The following IARS1 variants were observed in gnomAD, a reference collection of about 807,000 sequenced individuals.
IARS1 encodes the protein isoleucine--tRNA ligase, cytoplasmic.
Under a neutral mutation model 168.2 loss-of-function variants are expected in IARS1, and 124 were observed. That is an observed-to-expected ratio of 0.74 (90% confidence interval 0.64 to 0.86). The LOEUF is 0.86. Ranked by LOEUF, IARS1 falls within the 40% of genes least tolerant of loss-of-function variation. The pLI, the probability that IARS1 is intolerant of heterozygous loss-of-function variation, is 0.00. For synonymous variants in IARS1, 532 were observed against 529.4 expected (o/e 1.00, Z -0.07); for missense variants, 1,452 against 1,515.8 (o/e 0.96, Z 0.70).
At chr9:92,244,877 T>G in intron 27 of IARS1, 82 bp downstream of exon 27, 1 of 1,096,806 alleles carries the variant, frequency 9.1e-7, no homozygotes, top group Admixed American at 1.9e-5. Flanking sequence ...GTCAACATTA[T>G]CAGGAAAGGC....
chr9:92,238,851 A>G (rs971510791), intron 30 of IARS1, among the ~76,000 whole-genome samples: 1 of 152,158 alleles, frequency 6.6e-6, no homozygotes, highest in African/African-American at 2.4e-5. Context: ...TGTCTTAACT[A>G]TTATTTCTTG....
At chr9:92,263,111 A>G (rs1350260649) in intron 16 of IARS1, 56 bp from the exon 17 acceptor site, 1 of 1,164,858 alleles carries the variant, frequency 8.6e-7, no homozygotes, top group East Asian at 2.4e-5. Context: ...CAAGCATAAG[A>G]AAGAAACTGT....
At chr9:92,221,690 G>GT (rs1466441882) in intron 33 of IARS1, among the ~76,000 whole-genome samples, 8 of 152,206 alleles carry the variant, frequency 5.3e-5, no homozygotes, top group African/African-American at 1.7e-4. Context: ...ACACCAGCAA[G>GT]TAAGTGCAGG....
rs1184030038 is a variant in IARS1, at chr9:92,247,458, G to A, written c.2710C>T (p.Arg904Cys). Residue 904 changes from arginine (R) to cysteine (C), a missense_variant, in exon 26 of 34, where the codon CGT becomes TGT. By Grantham distance (180) the Arg-to-Cys change is radical. Coordinates refer to ENST00000443024, the MANE Select transcript of IARS1 (RefSeq NM_002161.6). Reference protein sequence around the residue: ...AEPDHMVLGKRLKGAFKAVMT... With the variant: ...AEPDHMVLGKCLKGAFKAVMT... ...ACTGCCTTAAAGGCTCCCTTCAGAC[G>A]CTTCCCCAGGACCATGTGATCTGGT... 2.5e-6 allele frequency: 4 copies of A among 1,614,008 alleles called. No individual in the cohort carries two copies. The highest frequency in any genetic ancestry group is 3.4e-6 in the Non-Finnish European group (4 of 1,180,030).
chr9:92,240,579 A>G, intron 30 of IARS1: 1 of 626,354 alleles, frequency 1.6e-6, no homozygotes, highest in Non-Finnish European at 2.9e-6. Context: ...TTTTTAATTG[A>G]GGCAGGATCT....
intron 33 of IARS1, among the ~76,000 whole-genome samples, chr9:92,222,075 T>C (rs1329419284): frequency 6.6e-6 from 1 of 152,158 alleles, no homozygotes; most frequent in Non-Finnish European, 1.5e-5. Context: ...CCCAGCACTT[T>C]GGGAGGCCGA....
In IARS1 at chr9:92,274,525, G is replaced by A. The variant is rs753470606; in HGVS notation, c.895-4C>T. ...TGAAAGCGCCATTCTCTTTACACTG[G>A]AAAGAAAGGACAGCAGGCTTCAGGG... On this transcript the variant is annotated splice_polypyrimidine_tract_variant and splice_region_variant and intron_variant, in intron 9 of 33. Coordinates refer to ENST00000443024, the MANE Select transcript of IARS1 (RefSeq NM_002161.6). 1.2e-6 allele frequency: 2 copies of A among 1,601,332 alleles called. No homozygotes were observed. The highest frequency in any genetic ancestry group is 2.2e-5 in the South Asian group (2 of 90,818).
rs1157345497 is a variant in IARS1, at chr9:92,229,110, C to T, written c.3300G>A (p.Leu1100=). 4.3e-6 allele frequency: 7 copies of T among 1,613,596 alleles called. No homozygotes were observed. In the African/African-American group the frequency reaches 9.4e-5, roughly 22 times the overall value. Residue 1100 remains leucine, a synonymous_variant, in exon 31 of 34, where the codon CTG becomes CTA. Coordinates refer to ENST00000443024, the MANE Select transcript of IARS1 (RefSeq NM_002161.6). ...ACCTATTGTCACCTTTTGGATTTTC[C>T]AGGAGCAATACTCCACCTAAAAAGC... ...NGSEQGGVLL[L]ENPKGDNRLD... is the part of the protein sequence containing the mutation.
chr9:92,288,680 A>G (rs1166088346), intron 2 of IARS1, among the ~76,000 whole-genome samples: 1 of 152,188 alleles, frequency 6.6e-6, no homozygotes, highest in Non-Finnish European at 1.5e-5. Context: ...AGGTAGTACT[A>G]TAGTAGCCTT....
At chr9:92,268,662 A>T (rs1317685758) in intron 13 of IARS1, among the ~76,000 whole-genome samples, 3 of 152,214 alleles carry the variant, frequency 2.0e-5, no homozygotes, top group Non-Finnish European at 2.9e-5. Context: ...GAACTCATTA[A>T]GCAAAGGCCA....
intron 29 of IARS1, 108 bp downstream of exon 29, chr9:92,242,046 A>C: frequency 1.2e-6 from 1 of 814,974 alleles, no homozygotes; most frequent in East Asian, 2.4e-5. Context: ...TTCAAGACAG[A>C]GTGCTGTGCC....
intron 19 of IARS1, 139 bp from the exon 20 acceptor site, chr9:92,256,939 A>G (rs1191366058): frequency 2.7e-6 from 2 of 743,742 alleles, no homozygotes; most frequent in Admixed American, 3.0e-5. Flanking sequence ...TCTGATTTTC[A>G]GCAATATTTT....
At chr9:92,265,222 T>C (rs1832118912) in intron 15 of IARS1, 99 bp from the exon 16 acceptor site, 3 of 1,062,092 alleles carry the variant, frequency 2.8e-6, no homozygotes, top group African/African-American at 3.2e-5. Context: ...CAAGATATTA[T>C]ACACATTTGC....
At chr9:92,268,092 C>A in intron 14 of IARS1, 82 bp downstream of exon 14, 1 of 1,400,010 alleles carries the variant, frequency 7.1e-7, no homozygotes, top group Non-Finnish European at 9.5e-7. Context: ...AAAAAACACC[C>A]TATTCTTTTA....
At chr9:92,250,502 C>T (rs774928336) in intron 23 of IARS1, among the ~76,000 whole-genome samples, 11 of 152,154 alleles carry the variant, frequency 7.2e-5, no homozygotes, top group Non-Finnish European at 1.5e-4. Context: ...ACCCCACCTG[C>T]CACAGCTCTA....
At chr9:92,224,516 C>T (rs542576797) in intron 31 of IARS1, among the ~76,000 whole-genome samples, 2 of 152,276 alleles carry the variant, frequency 1.3e-5, no homozygotes, top group South Asian at 4.1e-4. Context: ...CAGATCTCTA[C>T]AAATGGGCAG....
intron 30 of IARS1, among the ~76,000 whole-genome samples, chr9:92,238,784 C>G (rs1051305566): frequency 6.6e-6 from 1 of 152,192 alleles, no homozygotes; most frequent in Non-Finnish European, 1.5e-5. Flanking sequence ...CTAAGGTCCA[C>G]TGGTGTCAAT....
intron 31 of IARS1, among the ~76,000 whole-genome samples, chr9:92,224,120 A>G (rs1825252516): frequency 6.6e-6 from 1 of 152,236 alleles, no homozygotes; most frequent in South Asian, 2.1e-4. Flanking sequence ...CTAGGCCCAC[A>G]TGGTCTCTTC....
intron 33 of IARS1, among the ~76,000 whole-genome samples, chr9:92,219,278 T>G (rs575811438): frequency 1.4e-3 from 209 of 152,278 alleles, no homozygotes; most frequent in African/African-American, 4.6e-3. Context: ...CAAGATGGAT[T>G]AAAGACTTAA....
Sources: gnomAD v4.1 joint callset for allele counts (sites outside exome capture counted in the v4.1 genomes callset) on GRCh38, gnomAD v4.1.1 for gene constraint, MANE v1.5 for transcripts, NCBI Gene and HGNC (gene_info 2026-07-23, HGNC 2026-07-21) for gene names.